The following PTPRD variants were observed in gnomAD, a reference collection of about 807,000 sequenced individuals.
The protein encoded by PTPRD is protein tyrosine phosphatase receptor type D.
PTPRD carries 34 observed loss-of-function variants against 214.5 expected under a neutral mutation model. The ratio of observed to expected loss-of-function variants is 0.16; its 90% confidence interval spans 0.12 to 0.21. The LOEUF (loss-of-function observed/expected upper bound fraction) is 0.21. Among genes scored for constraint, PTPRD ranks in the 10% least tolerant of loss-of-function variants. The pLI, the probability that PTPRD is intolerant of heterozygous loss-of-function variation, is 1.00. For synonymous variants in PTPRD, 1,128 were observed against 845.7 expected (o/e 1.33, Z -5.79); for missense variants, 2,545 against 2,398.7 (o/e 1.06, Z -1.27).
At chr9:9,428,137 G>C (rs563047361) in intron 8 of PTPRD, among the ~76,000 whole-genome samples, 43 of 152,164 alleles carry the variant, frequency 2.8e-4, no homozygotes, top group African/African-American at 9.4e-4. Context: ...AAAGAGTCAA[G>C]ACCCATCAGT....
At chr9:8,932,299 G>A (rs150490718) in intron 11 of PTPRD, among the ~76,000 whole-genome samples, 11 of 152,204 alleles carry the variant, frequency 7.2e-5, no homozygotes, top group East Asian at 1.9e-4. Flanking sequence ...GGCATTTAGC[G>A]CAATAATTTT....
At chr9:8,722,747 T>C (rs563756990) in intron 12 of PTPRD, among the ~76,000 whole-genome samples, 8 of 152,310 alleles carry the variant, frequency 5.3e-5, no homozygotes, top group Admixed American at 3.9e-4. Context: ...TGGATATTGA[T>C]GAAGGAAAGT....
chr9:9,922,782 A>C (rs2082941759), intron 5 of PTPRD, among the ~76,000 whole-genome samples: 1 of 152,136 alleles, frequency 6.6e-6, no homozygotes, highest in Middle Eastern at 3.4e-3. Flanking sequence ...TTTATCTTTA[A>C]AAAATGGTAT....
chr9:8,665,915 C>G (rs536291357), intron 12 of PTPRD, among the ~76,000 whole-genome samples: 1 of 152,026 alleles, frequency 6.6e-6, no homozygotes, highest in East Asian at 1.9e-4. Context: ...TTACTACTGT[C>G]ACAAAAAAAT....
At chr9:8,527,861 G>T (rs1164171683) in intron 15 of PTPRD, among the ~76,000 whole-genome samples, 1 of 152,154 alleles carries the variant, frequency 6.6e-6, no homozygotes, top group Non-Finnish European at 1.5e-5. Context: ...TGTAGATCCA[G>T]TCACTGGAGG....
intron 7 of PTPRD, among the ~76,000 whole-genome samples, chr9:9,589,459 CA>C (rs2092478000): frequency 6.6e-6 from 1 of 151,842 alleles, no homozygotes; most frequent in African/African-American, 2.4e-5. Context: ...GCAATTAAGA[CA>C]GGTTGCTGGT....
intron 3 of PTPRD, among the ~76,000 whole-genome samples, chr9:10,204,413 C>T (rs1470514008): frequency 1.3e-5 from 2 of 152,066 alleles, no homozygotes; most frequent in East Asian, 3.9e-4. Flanking sequence ...TGTTTCCACA[C>T]TAAGTTTTAT....
At chr9:9,222,441 T>A (rs373354127) in intron 9 of PTPRD, among the ~76,000 whole-genome samples, 1 of 152,056 alleles carries the variant, frequency 6.6e-6, no homozygotes, top group East Asian at 1.9e-4. Flanking sequence ...GAATTTTCAA[T>A]TATGTAGCAT....
rs34342718 is a variant in PTPRD, at chr9:8,940,280, C to CTTTTTTTTTTTTTTTTTT, written c.-104+78399_-104+78416dup. Among the ~76,000 whole-genome samples the CTTTTTTTTTTTTTTTTTT allele has an allele frequency of 3.7e-4, 33 of 89,046 alleles. 3 individuals are homozygous for CTTTTTTTTTTTTTTTTTT. Among genetic ancestry groups the CTTTTTTTTTTTTTTTTTT allele is most frequent in the African/African-American group, 4.8e-4 (11 of 22,902 alleles). 58.4% of individuals were successfully genotyped at this position (89,046 alleles called of 152,430 possible). The stretch of plus-strand genomic sequence containing the variant: ...TCACACATCTCTCTCTCTCTCTCTC[C>CTTTTTTTTTTTTTTTTTT]TTTTTTTTTTTTTTTTTTTTGAGAT... On this transcript the variant is annotated intron_variant, in intron 11 of 45. Transcript: ENST00000381196.
chr9:8,730,146 C>CT (rs1402147230), intron 12 of PTPRD, among the ~76,000 whole-genome samples: 1 of 152,158 alleles, frequency 6.6e-6, no homozygotes, highest in Non-Finnish European at 1.5e-5. Flanking sequence ...GTCCCAGCTA[C>CT]TCCGGAGGCT....
rs2094449596 is a variant in PTPRD, at chr9:9,610,305, GATTT to G, written c.-286-35528_-286-35525del. 3.9e-5 allele frequency among the ~76,000 whole-genome samples: 6 copies of G among 152,188 alleles called. No individual in the cohort carries two copies. The South Asian group carries it at 1.0e-3, about 26-fold the overall frequency. On this transcript the variant is annotated intron_variant, in intron 7 of 45. Coordinates refer to ENST00000381196, the MANE Select transcript of PTPRD (RefSeq NM_002839.4). ...AAATGCCGTATGAAAATATAAACAA[GATTT>G]AGTTAAATAACAAAATTAGATCACA...
chr9:8,963,341 G>T (rs1341274855), intron 11 of PTPRD, among the ~76,000 whole-genome samples: 1 of 152,076 alleles, frequency 6.6e-6, no homozygotes, highest in Non-Finnish European at 1.5e-5. Context: ...TTATAGCAAG[G>T]TTTAATTTTC....
At chr9:9,426,512 C>A (rs1230313539) in intron 8 of PTPRD, among the ~76,000 whole-genome samples, 1 of 152,198 alleles carries the variant, frequency 6.6e-6, no homozygotes, top group Non-Finnish European at 1.5e-5. Flanking sequence ...GGAGCAGAAA[C>A]TTCTGCAGAC....
Position 10,001,143 on chromosome 9 carries a change from T to C in PTPRD, c.-472+32575A>G, listed in dbSNP as rs2096300422. Among the ~76,000 whole-genome samples, 3 of 152,118 alleles carry C rather than the reference T, an allele frequency of 2.0e-5. No homozygotes were observed. The South Asian group carries it at 6.2e-4, about 31-fold the overall frequency. ...ACCACTCCACGTGTGTCTCTGTCAT[T>C]TATCTAAATTGGCGTGAGACCAATG... On this transcript the variant is annotated intron_variant, in intron 4 of 45. Coordinates refer to ENST00000381196, the MANE Select transcript of PTPRD (RefSeq NM_002839.4).
intron 8 of PTPRD, among the ~76,000 whole-genome samples, chr9:9,566,870 C>T (rs2084708088): frequency 6.6e-6 from 1 of 152,108 alleles, no homozygotes; most frequent in Middle Eastern, 3.4e-3. Flanking sequence ...TGCTTATGTA[C>T]ACTGACACTA....
At chr9:8,524,816 A>AT (rs1564063524) in intron 18 of PTPRD, 109 bp downstream of exon 18, 1 of 911,400 alleles carries the variant, frequency 1.1e-6, no homozygotes, top group Non-Finnish European at 1.8e-6. Context: ...TACGGTCACT[A>AT]TTACCAAACC....
chr9:9,014,778 G>A (rs558435342), intron 11 of PTPRD, among the ~76,000 whole-genome samples: 9 of 152,182 alleles, frequency 5.9e-5, no homozygotes, highest in Admixed American at 3.3e-4. Flanking sequence ...CTTAAAACAC[G>A]ATGTTTAGAA....
chr9:8,407,384 G>C (rs75681434), intron 35 of PTPRD, among the ~76,000 whole-genome samples: 34 of 152,254 alleles, frequency 2.2e-4, no homozygotes, highest in Middle Eastern at 3.4e-3. Flanking sequence ...GGCCTACTTC[G>C]TGACAGGCTC....
chr9:8,803,188 A>G (rs2096606354), intron 11 of PTPRD, among the ~76,000 whole-genome samples: 1 of 152,212 alleles, frequency 6.6e-6, no homozygotes, highest in Admixed American at 6.5e-5. Flanking sequence ...AATGTTAGCT[A>G]TTATTTTTAT....
Sources: gnomAD v4.1 joint callset for allele counts (sites outside exome capture counted in the v4.1 genomes callset) on GRCh38, gnomAD v4.1.1 for gene constraint, MANE v1.5 for transcripts, NCBI Gene and HGNC (gene_info 2026-07-23, HGNC 2026-07-21) for gene names.